GALNT13: variants seen among roughly 807,000 people sequenced by gnomAD.
GALNT13 encodes the protein UDP-GalNAc:polypeptide N-acetylgalactosaminyltransferase 13.
GALNT13 carries 28 observed loss-of-function variants against 64.2 expected under a neutral mutation model. That is an observed-to-expected ratio of 0.44 (90% CI 0.32 to 0.60). The LOEUF is 0.60. Ranked by LOEUF, GALNT13 falls within the 20% of genes least tolerant of loss-of-function variation. GALNT13 has a pLI of 0.05. For synonymous variants in GALNT13, 214 were observed against 224.6 expected, an observed-to-expected ratio of 0.95 and a Z score of 0.42; for missense variants, 577 against 669.8, an observed-to-expected ratio of 0.86 and a Z score of 1.53.
chr2:154,059,806 A>G (rs1700079522), intron 3 of GALNT13, among the ~76,000 whole-genome samples: 1 of 152,098 alleles, frequency 6.6e-6, no homozygotes. Flanking sequence ...TGCGGGAAAG[A>G]GATGACACAC....
the GALNT13 span, among the ~76,000 whole-genome samples, chr2:153,827,272 A>C: frequency 0.89 from 135,879 of 152,008 alleles, 61,553 homozygotes; most frequent in Non-Finnish European, 0.94. Flanking sequence ...ATTCAATTAC[A>C]CCCCACTGGG....
At chr2:153,659,304 T>TC in the GALNT13 span, among the ~76,000 whole-genome samples, 22,262 of 151,822 alleles carry the variant, frequency 0.15, 2,121 homozygotes, top group East Asian at 0.49. Flanking sequence ...TCATTGCATA[T>TC]CCCCCCCATC....
intron 3 of GALNT13, among the ~76,000 whole-genome samples, chr2:154,065,977 A>G (rs1005385607): frequency 6.6e-6 from 1 of 152,230 alleles, no homozygotes; most frequent in Admixed American, 6.5e-5. Flanking sequence ...ACAATTCAAG[A>G]TAACAAAGAG....
chr2:154,170,665 AC>A (rs1158417835), intron 4 of GALNT13, among the ~76,000 whole-genome samples: 1 of 152,178 alleles, frequency 6.6e-6, no homozygotes, highest in Admixed American at 6.6e-5. Flanking sequence ...TAATAATAAT[AC>A]CTTTTAAGAC....
intron 3 of GALNT13, among the ~76,000 whole-genome samples, chr2:154,104,699 A>G (rs1279370964): frequency 6.6e-6 from 1 of 152,172 alleles, no homozygotes; most frequent in Non-Finnish European, 1.5e-5. Context: ...CTAGATCTCC[A>G]GGTATCCCAC....
At chr2:154,368,160 GTAA>G (rs1257946189) in intron 9 of GALNT13, among the ~76,000 whole-genome samples, 1 of 3,004 alleles carries the variant, frequency 3.3e-4, no homozygotes, top group African/African-American at 3.9e-4. Flanking sequence ...GATAAAATAT[GTAA>G]AAAAAAAATT....
At chr2:154,354,943 T>G (rs1049777197) in intron 9 of GALNT13, among the ~76,000 whole-genome samples, 2 of 152,114 alleles carry the variant, frequency 1.3e-5, no homozygotes, top group African/African-American at 2.4e-5. Flanking sequence ...TGACACTAAC[T>G]TTCTACCTGA....
the GALNT13 span, among the ~76,000 whole-genome samples, chr2:153,566,348 G>A: frequency 1.3e-5 from 1 of 74,826 alleles, no homozygotes. Context: ...TTCTAATCAC[G>A]TTTTTTTTTT....
the GALNT13 span, among the ~76,000 whole-genome samples, chr2:153,629,437 C>T: frequency 6.6e-6 from 1 of 151,916 alleles, no homozygotes; most frequent in African/African-American, 2.4e-5. Flanking sequence ...GGAAAACTGG[C>T]TAGCCATATG....
the GALNT13 span, among the ~76,000 whole-genome samples, chr2:153,277,911 T>TTC: frequency 1.3e-4 from 14 of 111,272 alleles, no homozygotes; most frequent in Non-Finnish European, 2.0e-4. Context: ...CTTTTTTCTT[T>TTC]TGTTTTCTTT....
rs757129961 is a variant in GALNT13 at position 154,450,574 on chromosome 2, A to G, written c.*23A>G. 17 of 1,563,976 alleles carry G rather than the reference A, an allele frequency of 1.1e-5. No individual in the cohort carries two copies. Among genetic ancestry groups the G allele is most frequent in the Non-Finnish European group, 1.5e-5 (17 of 1,159,330 alleles). On this transcript the variant is annotated 3_prime_UTR_variant, in exon 13 of 13. Transcript: ENST00000392825. ...TGAAGATCATGTCCTCCAAGCCATG[A>G]AAGTGTCTACGCTTTTGTTTTTCCA...
At chr2:154,252,517 C>T (rs1011007652) in intron 7 of GALNT13, among the ~76,000 whole-genome samples, 14 of 145,922 alleles carry the variant, frequency 9.6e-5, no homozygotes, top group African/African-American at 3.3e-4. Context: ...CCACCATGCC[C>T]GGCTAATTTT....
chr2:153,534,991 G>C, the GALNT13 span, among the ~76,000 whole-genome samples: 1,548 of 151,932 alleles, frequency 0.01, 22 homozygotes, highest in African/African-American at 0.036. Context: ...AAATAGTGTT[G>C]AAGTGTTGAA....
At chr2:153,719,037 C>T in the GALNT13 span, among the ~76,000 whole-genome samples, 1 of 152,006 alleles carries the variant, frequency 6.6e-6, no homozygotes, top group African/African-American at 2.4e-5. Context: ...CCACTGAGAC[C>T]CCTACTCTGT....
intron 3 of GALNT13, among the ~76,000 whole-genome samples, chr2:154,100,612 T>C (rs1702296607): frequency 6.6e-6 from 1 of 152,064 alleles, no homozygotes; most frequent in Admixed American, 6.6e-5. Context: ...TGGAGGAGTC[T>C]TTTGGGTTTC....
the GALNT13 span, among the ~76,000 whole-genome samples, chr2:153,439,313 G>A: frequency 6.6e-6 from 1 of 152,166 alleles, no homozygotes; most frequent in Non-Finnish European, 1.5e-5. Context: ...ATCTCCAGCT[G>A]CGTGCTGGGA....
chr2:153,491,776 G>A, the GALNT13 span, among the ~76,000 whole-genome samples: 18 of 151,824 alleles, frequency 1.2e-4, no homozygotes, highest in Admixed American at 5.9e-4. Flanking sequence ...GCCAGCCACC[G>A]TGCCCAACTA....
chr2:154,192,672 A>G (rs1211304855), intron 4 of GALNT13, among the ~76,000 whole-genome samples: 1 of 152,086 alleles, frequency 6.6e-6, no homozygotes, highest in African/African-American at 2.4e-5. Context: ...GTTTCTGGTA[A>G]TTTGTTTGTT....
the GALNT13 span, among the ~76,000 whole-genome samples, chr2:153,729,335 C>T: frequency 2.0e-5 from 3 of 151,870 alleles, no homozygotes; most frequent in Non-Finnish European, 2.9e-5. Context: ...ATTTTTTCTT[C>T]TGTGGATTAA....
Sources: gnomAD v4.1 joint callset for allele counts (sites outside exome capture counted in the v4.1 genomes callset) on GRCh38, gnomAD v4.1.1 for gene constraint, MANE v1.5 for transcripts, NCBI Gene and HGNC (gene_info 2026-07-23, HGNC 2026-07-21) for gene names.